NFKB1: variants seen among roughly 807,000 people sequenced by gnomAD.
NFKB1 encodes the protein nuclear factor kappa B subunit 1.
Under a neutral mutation model 105.1 loss-of-function variants are expected in NFKB1, and 9 were observed. The observed-to-expected ratio is 0.09, with a 90% CI of 0.05 to 0.15. NFKB1 has a LOEUF of 0.15. Ranked by LOEUF, NFKB1 falls within the 10% of genes least tolerant of loss-of-function variation. The pLI, the probability that NFKB1 is intolerant of heterozygous loss-of-function variation, is 1.00. For synonymous variants in NFKB1, 440 were observed against 442.2 expected, an observed-to-expected ratio of 1.00 and a Z score of 0.06; for missense variants, 830 against 1,203.7, an observed-to-expected ratio of 0.69 and a Z score of 4.59.
At chr4:102,586,818 G>A (rs1363854940) in intron 11 of NFKB1, among the ~76,000 whole-genome samples, 4 of 152,336 alleles carry the variant, frequency 2.6e-5, no homozygotes, top group Non-Finnish European at 4.4e-5. Flanking sequence ...GTTGGAAACC[G>A]CAAAGGTGCA....
At chr4:102,561,646 A>T (rs1449683054) in intron 5 of NFKB1, among the ~76,000 whole-genome samples, 2 of 152,166 alleles carry the variant, frequency 1.3e-5, no homozygotes, top group Non-Finnish European at 2.9e-5. Flanking sequence ...GGATTGCCTG[A>T]TCGCTCCATT....
chr4:102,613,466 A>T lies in NFKB1; in HGVS notation c.2634A>T (p.Arg878Ser), dbSNP rs751865962. The change falls in exon 23 of 24, where the codon AGA becomes AGT. Residue 878 changes from arginine (R) to serine (S), a missense_variant. Physicochemically the swap from Arg to Ser is moderately radical, Grantham distance 110. Transcript: ENST00000226574. Reference protein sequence around the residue: ...GTVRELVEALRQMGYTEAIEV... With the variant: ...GTVRELVEALSQMGYTEAIEV... The stretch of plus-strand genomic sequence containing the variant: ...TCAGAGAGCTGGTGGAGGCCCTGAG[A>T]CAAATGGGCTACACCGAAGCAATTG... The T allele has an allele frequency of 1.4e-5, 22 of 1,613,788 alleles. No individual in the cohort carries two copies. The highest frequency in any genetic ancestry group is 1.9e-5 in the Non-Finnish European group (22 of 1,179,980).
chr4:102,511,340 C>T (rs1739768288), intron 1 of NFKB1, among the ~76,000 whole-genome samples: 1 of 152,172 alleles, frequency 6.6e-6, no homozygotes, highest in African/African-American at 2.4e-5. Context: ...GACAGAAATC[C>T]AGAAATTCAT....
chr4:102,550,426 C>T (rs1048324770), intron 5 of NFKB1, among the ~76,000 whole-genome samples: 4 of 152,106 alleles, frequency 2.6e-5, no homozygotes, highest in South Asian at 4.1e-4. Context: ...TTAAAAATCT[C>T]GAGTTCATAC....
At chr4:102,521,051 C>T (rs1740539436) in intron 1 of NFKB1, among the ~76,000 whole-genome samples, 1 of 152,020 alleles carries the variant, frequency 6.6e-6, no homozygotes, top group Non-Finnish European at 1.5e-5. Context: ...TTATTTTTAA[C>T]AGTTGCATAT....
At chr4:102,599,373 C>T (rs1342157788) in intron 15 of NFKB1, among the ~76,000 whole-genome samples, 3 of 152,194 alleles carry the variant, frequency 2.0e-5, no homozygotes, top group Non-Finnish European at 2.9e-5. Context: ...TTAGGCTCTT[C>T]TGTGCCGGAG....
Position 102,597,577 on chromosome 4 carries a change from T to G in NFKB1, c.1553T>G (p.Phe518Cys). Residue 518 changes from phenylalanine to cysteine, a missense_variant, in exon 15 of 24, where the codon TTC (phenylalanine) becomes TGC (cysteine). Around this residue, in one of 8 missense-constraint regions of NFKB1, gnomAD observed 418 missense variants for 575.3 expected, o/e 0.73. Transcript: ENST00000226574. Reference sequence around the variant, plus strand: ...GCAAAGAGGCATGCCAATGCCCTTTTCGACTACGCGGTGACAGGAGACGTG... The same window carrying G: ...GCAAAGAGGCATGCCAATGCCCTTTGCGACTACGCGGTGACAGGAGACGTG... ...QLAKRHANAL[F>C]DYAVTGDVKM... 1 of 1,613,958 alleles carries G rather than the reference T, an allele frequency of 6.2e-7. No individual in the cohort carries two copies. Among genetic ancestry groups the G allele is most frequent in the Non-Finnish European group, 8.5e-7 (1 of 1,179,912 alleles).
chr4:102,584,729 A>G lies in NFKB1; in HGVS notation c.975A>G (p.Thr325=), dbSNP rs2149192608. 1.9e-6 allele frequency: 3 copies of G among 1,612,466 alleles called. No individual in the cohort carries two copies. The South Asian group carries it at 3.3e-5, about 18-fold the overall frequency. ...KTPKYKDINI[T]KPASVFVQLR... ...CAAAGTATAAAGATATTAATATTACAAAACCAGCCTCTGTGTTTGTCCAGC... is the reference window on the plus strand; with the variant it reads ...CAAAGTATAAAGATATTAATATTACGAAACCAGCCTCTGTGTTTGTCCAGC... Residue 325 remains threonine, a synonymous_variant, in exon 11 of 24, where the codon ACA becomes ACG. Coordinates refer to ENST00000226574, the MANE Select transcript of NFKB1 (RefSeq NM_003998.4).
chr4:102,537,741 A>G (rs538238311), intron 4 of NFKB1, 117 bp from the exon 5 acceptor site: 4 of 558,176 alleles, frequency 7.2e-6, no homozygotes, highest in South Asian at 5.1e-5. Flanking sequence ...TCACAGTTTC[A>G]TGTTTTTCTT....
intron 1 of NFKB1, among the ~76,000 whole-genome samples, chr4:102,517,895 T>C (rs565773884): frequency 4.6e-5 from 7 of 152,312 alleles, no homozygotes; most frequent in Admixed American, 4.6e-4. Flanking sequence ...TGATTTAATA[T>C]AATAATGTAA....
At chr4:102,588,279 G>A (rs1287) in intron 11 of NFKB1, among the ~76,000 whole-genome samples, 62,892 of 151,684 alleles carry the variant, frequency 0.41, 13,195 homozygotes, top group Admixed American at 0.48. Context: ...TAAATATAAA[G>A]CATCATACAG....
chr4:102,555,876 G>T (rs537391246), intron 5 of NFKB1, among the ~76,000 whole-genome samples: 1 of 152,188 alleles, frequency 6.6e-6, no homozygotes, highest in Non-Finnish European at 1.5e-5. Flanking sequence ...CAGCAGCATT[G>T]TGCTTTAGGA....
intron 15 of NFKB1, 22 bp downstream of exon 15, chr4:102,597,683 A>G (rs1374313175): frequency 3.1e-6 from 5 of 1,602,210 alleles, no homozygotes; most frequent in Admixed American, 1.7e-5. Context: ...CTTTTGCATG[A>G]TAGGTTGTCC....
chr4:102,566,166 G>T (rs1723850516), intron 5 of NFKB1, among the ~76,000 whole-genome samples: 2 of 151,994 alleles, frequency 1.3e-5, no homozygotes, highest in Non-Finnish European at 2.9e-5. Context: ...ATATCTAAGT[G>T]TTTTTTGCTA....
intron 6 of NFKB1, among the ~76,000 whole-genome samples, chr4:102,572,181 G>A (rs1724427249): frequency 2.0e-5 from 3 of 152,150 alleles, no homozygotes. Flanking sequence ...CATGTCCTTT[G>A]TAGGGACGTG....
At chr4:102,533,966 G>A in intron 4 of NFKB1, 81 bp downstream of exon 4, 1 of 1,201,118 alleles carries the variant, frequency 8.3e-7, no homozygotes, top group South Asian at 1.3e-5. Flanking sequence ...AATAGTAAAT[G>A]AGTTCTATGA....
chr4:102,532,192 T>C (rs1344353905), intron 3 of NFKB1, among the ~76,000 whole-genome samples: 1 of 152,166 alleles, frequency 6.6e-6, no homozygotes, highest in African/African-American at 2.4e-5. Context: ...CTTTTTTTTC[T>C]TGTGTATGCT....
intron 5 of NFKB1, among the ~76,000 whole-genome samples, chr4:102,560,081 C>G (rs1465872140): frequency 2.0e-5 from 3 of 152,024 alleles, no homozygotes; most frequent in Non-Finnish European, 2.9e-5. Flanking sequence ...TAAGACAGTG[C>G]ATTTATAAAT....
Position 102,567,149 on chromosome 4 carries a change from T to C in NFKB1, c.407+14T>C. On this transcript the variant is annotated intron_variant, in intron 6 of 23. Transcript: ENST00000226574. ...CATGGTGGTCGGGTAAGTAGGGGTA[T>C]ATGATGCTGTGGAAGGTAGGAACAG... is the stretch of plus-strand genomic sequence containing the variant. 6.2e-7 allele frequency: 1 copy of C among 1,611,992 alleles called. No individual in the cohort carries two copies. Among genetic ancestry groups the C allele is most frequent in the Non-Finnish European group, 8.5e-7 (1 of 1,178,428 alleles).
Sources: gnomAD v4.1 joint callset for allele counts (sites outside exome capture counted in the v4.1 genomes callset) on GRCh38, gnomAD v4.1.1 for gene constraint, gnomAD v4.1.1 regional missense constraint, MANE v1.5 for transcripts, NCBI Gene and HGNC (gene_info 2026-07-23, HGNC 2026-07-21) for gene names.